The following ABCB11 variants were observed in gnomAD, a reference collection of about 807,000 sequenced individuals.
ABCB11 encodes the protein bile salt export pump.
Under a neutral mutation model 148.0 loss-of-function variants are expected in ABCB11, and 95 were observed. The observed-to-expected ratio is 0.64, with a 90% CI of 0.54 to 0.76. The LOEUF (loss-of-function observed/expected upper bound fraction) is 0.76, where lower values mean the gene tolerates loss of function less well. Among genes scored for constraint, ABCB11 ranks in the 30% least tolerant of loss-of-function variants. ABCB11 has a pLI of 0.00. For missense variants in ABCB11, 1,523 were observed against 1,617.8 expected, an observed-to-expected ratio of 0.94 and a Z score of 1.01; for synonymous variants, 591 against 555.4, an observed-to-expected ratio of 1.06 and a Z score of -0.90.
intron 21 of ABCB11, among the ~76,000 whole-genome samples, chr2:168,937,734 TAA>T (rs1457500268): frequency 2.6e-5 from 4 of 152,222 alleles, no homozygotes; most frequent in African/African-American, 9.6e-5. Context: ...AAGACTATTA[TAA>T]GATACCACTT....
chr2:169,013,962 G>A (rs536674724), intron 4 of ABCB11, among the ~76,000 whole-genome samples: 22 of 152,160 alleles, frequency 1.4e-4, no homozygotes, highest in African/African-American at 5.1e-4. Flanking sequence ...AGAAAATTTG[G>A]AGTAAACACC....
intron 5 of ABCB11, among the ~76,000 whole-genome samples, chr2:168,998,244 G>A (rs1454630431): frequency 6.6e-6 from 1 of 151,958 alleles, no homozygotes; most frequent in Non-Finnish European, 1.5e-5. Flanking sequence ...AAAACTATAA[G>A]CATTTGTCCA....
intron 19 of ABCB11, among the ~76,000 whole-genome samples, chr2:168,951,240 T>C (rs1451081242): frequency 6.6e-6 from 1 of 151,786 alleles, no homozygotes; most frequent in Non-Finnish European, 1.5e-5. Flanking sequence ...AGGGCTCTTT[T>C]TTTTAGTTCC....
chr2:169,010,241 A>G (rs1482454429), intron 5 of ABCB11, among the ~76,000 whole-genome samples: 1 of 152,212 alleles, frequency 6.6e-6, no homozygotes, highest in Non-Finnish European at 1.5e-5. Context: ...TTAATTGGAT[A>G]AAAGAAAATA....
intron 19 of ABCB11, among the ~76,000 whole-genome samples, chr2:168,953,070 T>C (rs182778606): frequency 9.7e-4 from 147 of 151,798 alleles, no homozygotes; most frequent in Non-Finnish European, 1.8e-3. Flanking sequence ...CCTGAGAAGA[T>C]ACTTGATATG....
chr2:169,003,634 G>A (rs1213918027), intron 5 of ABCB11, among the ~76,000 whole-genome samples: 3 of 151,808 alleles, frequency 2.0e-5, no homozygotes, highest in Non-Finnish European at 4.4e-5. Context: ...TGGATCAAAC[G>A]GTAGATCTAC....
At position 169,014,330 on chromosome 2, in the gene ABCB11, A is replaced by G; in HGVS notation, c.123T>C (p.Asp41=). 1 of 1,613,504 alleles carries G rather than the reference A, an allele frequency of 6.2e-7. No homozygotes were observed. The highest frequency in any genetic ancestry group is 8.5e-7 in the Non-Finnish European group (1 of 1,179,576). ...KSRLQDEKKG[D]GVRVGFFQLF... ...ATTGAAAGAAGCCAACTCTAACGCC[A>G]TCACCTTTCTTCTCATCTTGTAACC... The change falls in exon 4 of 28, where the codon GAT becomes GAC. Residue 41 remains aspartate (D), a synonymous_variant. Coordinates refer to ENST00000650372, the MANE Select transcript of ABCB11 (RefSeq NM_003742.4).
At chr2:168,994,019 A>T in intron 7 of ABCB11, 137 bp from the exon 8 acceptor site, 1 of 710,626 alleles carries the variant, frequency 1.4e-6, no homozygotes, top group Non-Finnish European at 2.2e-6. Flanking sequence ...ACAGCCTCTC[A>T]GATCTTGGAA....
intron 8 of ABCB11, 92 bp downstream of exon 8, chr2:168,993,619 T>C (rs1038928821): frequency 1.9e-5 from 22 of 1,175,644 alleles, no homozygotes; most frequent in Middle Eastern, 2.0e-4. Flanking sequence ...TGTTGCTAAC[T>C]GTACTCAGGA....
rs773567525 is a variant in ABCB11 at position 168,923,734 on chromosome 2, A to T, written c.3854T>A (p.Ile1285Asn). 3 of 1,613,774 alleles carry T rather than the reference A, an allele frequency of 1.9e-6. No homozygotes were observed. The Admixed American group carries it at 5.0e-5, about 27-fold the overall frequency. ...HRLSTIQNAD[I>N]IAVMAQGVVI... ...CACCCCCTGTGCCATGACAGCAATG[A>T]TATCCGCGTTCTGGATGGTGGACAA... is the stretch of plus-strand genomic sequence containing the variant. Residue 1285 changes from isoleucine (I) to asparagine (N), a missense_variant, in exon 28 of 28, where the codon ATC becomes AAC. Transcript: ENST00000650372.
At chr2:168,940,392 T>C (rs1335687342) in intron 21 of ABCB11, among the ~76,000 whole-genome samples, 1 of 151,976 alleles carries the variant, frequency 6.6e-6, no homozygotes, top group Non-Finnish European at 1.5e-5. Flanking sequence ...ATGAAGAAAG[T>C]TTGAATGGTC....
intron 14 of ABCB11, among the ~76,000 whole-genome samples, chr2:168,971,197 T>G (rs10196984): frequency 4.0e-5 from 6 of 151,528 alleles, no homozygotes; most frequent in Non-Finnish European, 8.8e-5. Flanking sequence ...ATAATATTAG[T>G]TGCTCAACAG....
chr2:168,990,812 T>A lies in ABCB11; in HGVS notation c.897A>T (p.Arg299Ser), dbSNP rs777603009. The change falls in exon 9 of 28, where the codon AGA becomes AGT. Residue 299 changes from arginine to serine, a missense_variant. Coordinates refer to ENST00000650372, the MANE Select transcript of ABCB11 (RefSeq NM_003742.4). Reference sequence around the variant, plus strand: ...TCCAATTAACCAACCTTTCAACCTCTCTTTTCTCACCACCAAAAGCAGCCA... The same window carrying A: ...TCCAATTAACCAACCTTTCAACCTCACTTTTCTCACCACCAAAAGCAGCCA... ...RTVAAFGGEK[R>S]EVERYEKNLV... is the part of the protein sequence containing the mutation. 58 of 1,613,058 alleles carry A rather than the reference T, an allele frequency of 3.6e-5. No individual in the cohort carries two copies. In the African/African-American group the frequency reaches 6.7e-4, roughly 19 times the overall value.
intron 1 of ABCB11, among the ~76,000 whole-genome samples, chr2:169,020,642 A>T (rs1695509003): frequency 6.7e-6 from 1 of 148,740 alleles, no homozygotes; most frequent in Non-Finnish European, 1.5e-5. Context: ...CACATACTGT[A>T]TGATTCCATT....
intron 1 of ABCB11, among the ~76,000 whole-genome samples, chr2:169,021,261 C>T (rs1695531953): frequency 6.6e-6 from 1 of 151,962 alleles, no homozygotes; most frequent in African/African-American, 2.4e-5. Context: ...CCACACCCAG[C>T]CAATCCAGAC....
chr2:168,998,636 C>T (rs765574102), intron 5 of ABCB11, among the ~76,000 whole-genome samples: 28 of 151,990 alleles, frequency 1.8e-4, no homozygotes, highest in Non-Finnish European at 3.8e-4. Flanking sequence ...CTTTATTCTA[C>T]AAGCACTGTA....
chr2:168,983,786 G>T (rs1372329919), intron 10 of ABCB11, among the ~76,000 whole-genome samples: 2 of 151,942 alleles, frequency 1.3e-5, no homozygotes, highest in East Asian at 1.9e-4. Context: ...TGGTATACAA[G>T]GTTTTGATAT....
chr2:168,972,118 C>T, intron 13 of ABCB11, 68 bp from the exon 14 acceptor site: 1 of 1,432,080 alleles, frequency 7.0e-7, no homozygotes, highest in East Asian at 2.4e-5. Flanking sequence ...AATATTATGT[C>T]ATACTTGACC....
chr2:168,923,796 G>A lies in ABCB11; in HGVS notation c.3792C>T (p.Ala1264=). The change falls in exon 28 of 28, where the codon GCC becomes GCT. Residue 1264 remains alanine, a synonymous_variant. Coordinates refer to ENST00000650372, the MANE Select transcript of ABCB11 (RefSeq NM_003742.4). The stretch of plus-strand genomic sequence containing the variant: ...TGACAATGCAGGTCCGACCCTCTCT[G>A]GCTTTGTCTAGAGCAACCTGCACCG... ...EKTVQVALDK[A]REGRTCIVIA... is the part of the protein sequence containing the mutation. The A allele has an allele frequency of 6.2e-7, 1 of 1,613,918 alleles. No individual in the cohort carries two copies. The highest frequency in any genetic ancestry group is 1.3e-5 in the African/African-American group (1 of 75,000).
Sources: gnomAD v4.1 joint callset for allele counts (sites outside exome capture counted in the v4.1 genomes callset) on GRCh38, gnomAD v4.1.1 for gene constraint, MANE v1.5 for transcripts, NCBI Gene and HGNC (gene_info 2026-07-23, HGNC 2026-07-21) for gene names.